MALRD1: variants seen among roughly 807,000 people sequenced by gnomAD.
MALRD1 encodes the protein MAM and LDL-receptor class A domain-containing protein 1.
In MALRD1, 247 loss-of-function variants were observed where a neutral mutation model predicts 242.1. The observed-to-expected ratio is 1.02, with a 90% CI of 0.92 to 1.13. The LOEUF (loss-of-function observed/expected upper bound fraction) is 1.13. Ranked by LOEUF, MALRD1 falls within the 50% of genes most tolerant of loss-of-function variation. The pLI, the probability that MALRD1 is intolerant of heterozygous loss-of-function variation, is 0.00. For synonymous variants in MALRD1, 995 were observed against 866.6 expected, an observed-to-expected ratio of 1.15 and a Z score of -2.60; for missense variants, 2,989 against 2,533.1, an observed-to-expected ratio of 1.18 and a Z score of -3.86.
intron 29 of MALRD1, among the ~76,000 whole-genome samples, chr10:19,480,498 A>T (rs1431817576): frequency 6.6e-6 from 1 of 152,228 alleles, no homozygotes; most frequent in African/African-American, 2.4e-5. Context: ...CATGCCAAAG[A>T]GCTTAAGGAA....
intron 5 of MALRD1, among the ~76,000 whole-genome samples, chr10:19,121,554 G>A (rs1173618173): frequency 6.6e-6 from 1 of 152,188 alleles, no homozygotes; most frequent in African/African-American, 2.4e-5. Flanking sequence ...GATGGATGAA[G>A]TTTTGGCCAT....
At chr10:19,560,618 A>G (rs935602675) in intron 32 of MALRD1, among the ~76,000 whole-genome samples, 2 of 152,230 alleles carry the variant, frequency 1.3e-5, no homozygotes, top group African/African-American at 4.8e-5. Context: ...TACACCATAG[A>G]ATACTATGTA....
intron 33 of MALRD1, among the ~76,000 whole-genome samples, chr10:19,576,590 T>C (rs1236677780): frequency 6.6e-6 from 1 of 152,182 alleles, no homozygotes; most frequent in Non-Finnish European, 1.5e-5. Flanking sequence ...AATAAGTTTC[T>C]TATTCTTTAG....
chr10:19,715,492 A>C (rs1043398954), intron 38 of MALRD1, among the ~76,000 whole-genome samples: 4 of 152,070 alleles, frequency 2.6e-5, no homozygotes, highest in African/African-American at 9.7e-5. Flanking sequence ...AAAGTGAGTG[A>C]AAAAATATTT....
chr10:19,396,148 T>C (rs1435026194), intron 28 of MALRD1, among the ~76,000 whole-genome samples: 1 of 149,284 alleles, frequency 6.7e-6, no homozygotes, highest in Admixed American at 6.7e-5. Flanking sequence ...TTTCTTTTTT[T>C]TTTTTTTTTG....
intron 35 of MALRD1, among the ~76,000 whole-genome samples, chr10:19,612,795 CT>C (rs1838960904): frequency 1.3e-5 from 2 of 151,954 alleles, no homozygotes; most frequent in Admixed American, 6.6e-5. Flanking sequence ...AAAACCAGAT[CT>C]CATGAGAACT....
intron 24 of MALRD1, among the ~76,000 whole-genome samples, chr10:19,338,175 A>C (rs1411260551): frequency 1.3e-5 from 2 of 151,884 alleles, no homozygotes; most frequent in Non-Finnish European, 2.9e-5. Flanking sequence ...ATGACACATC[A>C]TTAACACTCA....
intron 38 of MALRD1, among the ~76,000 whole-genome samples, chr10:19,696,399 C>G (rs977125299): frequency 6.6e-6 from 1 of 152,120 alleles, no homozygotes; most frequent in African/African-American, 2.4e-5. Context: ...GTCAGAAATT[C>G]AGATCTGCTG....
At chr10:19,067,986 T>G (rs1169479445) in intron 2 of MALRD1, among the ~76,000 whole-genome samples, 1 of 152,130 alleles carries the variant, frequency 6.6e-6, no homozygotes, top group Non-Finnish European at 1.5e-5. Flanking sequence ...GGGTCCAGCT[T>G]CACAAATATA....
chr10:19,228,663 A>G (rs113627083), intron 18 of MALRD1, among the ~76,000 whole-genome samples: 3,179 of 152,216 alleles, frequency 0.021, 51 homozygotes, highest in Middle Eastern at 0.037. Context: ...GGTTGAAAAA[A>G]ATTAGAACCT....
At chr10:19,208,862 GTGTT>G (rs1431851563) in intron 17 of MALRD1, among the ~76,000 whole-genome samples, 2 of 152,162 alleles carry the variant, frequency 1.3e-5, no homozygotes, top group African/African-American at 2.4e-5. Context: ...CTGGGCTTCA[GTGTT>G]TGTTTGTTTT....
intron 24 of MALRD1, among the ~76,000 whole-genome samples, chr10:19,335,494 T>A (rs1051044507): frequency 2.6e-5 from 4 of 152,156 alleles, no homozygotes; most frequent in African/African-American, 9.7e-5. Context: ...TAAGTGGTGT[T>A]ATTATATTTA....
chr10:19,697,279 A>G (rs1353113516), intron 38 of MALRD1, among the ~76,000 whole-genome samples: 5 of 152,128 alleles, frequency 3.3e-5, no homozygotes, highest in Non-Finnish European at 7.3e-5. Context: ...TCTTGAGTCT[A>G]AAATCTACAG....
At chr10:19,327,516 C>T (rs1052337363) in intron 22 of MALRD1, 47 bp from the exon 23 acceptor site, 3 of 1,406,394 alleles carry the variant, frequency 2.1e-6, no homozygotes, top group East Asian at 2.5e-5. Context: ...TTTGCAATTT[C>T]TCAAGATAAA....
At chr10:19,158,718 G>C (rs1049051200) in intron 12 of MALRD1, among the ~76,000 whole-genome samples, 1 of 152,130 alleles carries the variant, frequency 6.6e-6, no homozygotes, top group Non-Finnish European at 1.5e-5. Context: ...ACACATGCTT[G>C]CTCTAACAAA....
intron 13 of MALRD1, among the ~76,000 whole-genome samples, chr10:19,166,915 G>T (rs377263457): frequency 8.5e-5 from 13 of 152,184 alleles, no homozygotes; most frequent in African/African-American, 2.9e-4. Context: ...CTCATTGGTT[G>T]CTAAGTGACT....
At chr10:19,520,309 TA>T (rs554149081) in intron 31 of MALRD1, among the ~76,000 whole-genome samples, 314 of 142,826 alleles carry the variant, frequency 2.2e-3, no homozygotes, top group African/African-American at 2.2e-3. Context: ...GTTTGTTTTC[TA>T]AAAAAAAAAA....
At chr10:19,177,523 G>A (rs956662602) in intron 14 of MALRD1, among the ~76,000 whole-genome samples, 3 of 152,066 alleles carry the variant, frequency 2.0e-5, no homozygotes, top group African/African-American at 7.2e-5. Flanking sequence ...CTGACACTCC[G>A]AGAATGAAAG....
intron 28 of MALRD1, among the ~76,000 whole-genome samples, chr10:19,401,750 AGT>A (rs1193262424): frequency 6.6e-6 from 1 of 152,148 alleles, no homozygotes; most frequent in African/African-American, 2.4e-5. Context: ...TTAACACAAC[AGT>A]CAGTGGCAGC....
Sources: gnomAD v4.1 joint callset for allele counts (sites outside exome capture counted in the v4.1 genomes callset) on GRCh38, gnomAD v4.1.1 for gene constraint, MANE v1.5 for transcripts, NCBI Gene and HGNC (gene_info 2026-07-23, HGNC 2026-07-21) for gene names.